Variants in DPY19L3 observed in about 807,000 individuals in gnomAD.
DPY19L3 encodes protein C-mannosyl-transferase DPY19L3.
Under a neutral mutation model 92.3 loss-of-function variants are expected in DPY19L3, and 51 were observed. The ratio of observed to expected loss-of-function variants is 0.55; its 90% CI spans 0.44 to 0.70. The LOEUF (loss-of-function observed/expected upper bound fraction) is 0.70. Ranked by LOEUF, DPY19L3 falls within the 30% of genes least tolerant of loss-of-function variation. DPY19L3 has a pLI of 0.00. For synonymous variants in DPY19L3, 309 were observed against 315.2 expected, an observed-to-expected ratio of 0.98 and a Z score of 0.21; for missense variants, 706 against 855.9, an observed-to-expected ratio of 0.82 and a Z score of 2.18.
intron 9 of DPY19L3, among the ~76,000 whole-genome samples, chr19:32,453,750 T>A (rs189709623): frequency 7.9e-4 from 120 of 152,284 alleles, no homozygotes; most frequent in Non-Finnish European, 1.3e-3. Context: ...GAATTAAAAT[T>A]AACTGTTTTG....
chr19:32,463,899 T>C lies in DPY19L3; in HGVS notation c.1476T>C (p.Cys492=), dbSNP rs1458500746. The change falls in exon 14 of 19, where the codon TGT becomes TGC. Residue 492 remains cysteine, a synonymous_variant. Transcript: ENST00000392250. The part of the protein sequence containing the change: ...RMKYLWTSHM[C]VFASFGLCSP... Reference sequence around the variant, plus strand: ...AGTACCTCTGGACGTCACACATGTGTGTGTTCGCATCATTCGGCCTATGTA... The same window carrying C: ...AGTACCTCTGGACGTCACACATGTGCGTGTTCGCATCATTCGGCCTATGTA... 1 of 1,613,714 alleles carries C rather than the reference T, an allele frequency of 6.2e-7. No homozygotes were observed. Among genetic ancestry groups the C allele is most frequent in the South Asian group, 1.1e-5 (1 of 91,044 alleles).
At chr19:32,439,984 T>A in intron 8 of DPY19L3, 74 bp downstream of exon 8, 1 of 1,561,626 alleles carries the variant, frequency 6.4e-7, no homozygotes, top group Non-Finnish European at 8.7e-7. Flanking sequence ...GAGATGAAAA[T>A]ATGCAAGTAC....
chr19:32,449,557 A>G (rs1969629919), intron 8 of DPY19L3, among the ~76,000 whole-genome samples: 2 of 152,210 alleles, frequency 1.3e-5, no homozygotes, highest in African/African-American at 2.4e-5. Flanking sequence ...ACAGTGTGAT[A>G]CTAGCAGAAG....
chr19:32,422,999 A>G (rs774144750), intron 3 of DPY19L3, among the ~76,000 whole-genome samples: 1 of 152,204 alleles, frequency 6.6e-6, no homozygotes, highest in Non-Finnish European at 1.5e-5. Context: ...GCATATAAAG[A>G]TGGCATACAA....
intron 18 of DPY19L3, chr19:32,480,982 C>G (rs925566577): frequency 2.5e-6 from 1 of 403,148 alleles, no homozygotes; most frequent in Middle Eastern, 6.3e-4. Flanking sequence ...GGTGGATTCC[C>G]CCTACCCCTC....
In DPY19L3 at chr19:32,453,553, T is replaced by G. The variant is rs376358848; in HGVS notation, c.987+277T>G. Among the ~76,000 whole-genome samples, 90 of 152,308 alleles carry G rather than the reference T, an allele frequency of 5.9e-4. 1 individual carries two copies. In the South Asian group the frequency reaches 0.018, roughly 31 times the overall value. On this transcript the variant is annotated intron_variant, in intron 9 of 18. Transcript: ENST00000392250. ...AGATGCTTGGTTGAATGCCACTGAT[T>G]TAAAATTGAAGTAAAAGAGAAAAGT...
At chr19:32,457,586 A>G (rs1297088201) in intron 10 of DPY19L3, among the ~76,000 whole-genome samples, 3 of 152,224 alleles carry the variant, frequency 2.0e-5, no homozygotes, top group Non-Finnish European at 2.9e-5. Context: ...AATTGTAATC[A>G]CTAATGATGA....
At chr19:32,481,766 T>A (rs1458735817) in intron 18 of DPY19L3, 1 of 223,602 alleles carries the variant, frequency 4.5e-6, no homozygotes, top group African/African-American at 2.3e-5. Flanking sequence ...TCACTGTAGT[T>A]CTCTGTATTT....
chr19:32,439,982 A>G, intron 8 of DPY19L3, 72 bp downstream of exon 8: 1 of 1,566,296 alleles, frequency 6.4e-7, no homozygotes, highest in Non-Finnish European at 8.6e-7. Flanking sequence ...ATGAGATGAA[A>G]ATATGCAAGT....
At chr19:32,467,203 C>T (rs1223767262) in intron 15 of DPY19L3, among the ~76,000 whole-genome samples, 1 of 152,182 alleles carries the variant, frequency 6.6e-6, no homozygotes. Flanking sequence ...GTTAATTCAG[C>T]ACTTTCATAT....
At chr19:32,462,847 A>G (rs1422451219) in intron 12 of DPY19L3, among the ~76,000 whole-genome samples, 1 of 152,164 alleles carries the variant, frequency 6.6e-6, no homozygotes, top group Non-Finnish European at 1.5e-5. Context: ...TGTTACTTTT[A>G]TTGGGTGTAA....
At chr19:32,475,410 A>G (rs1970476895) in intron 16 of DPY19L3, among the ~76,000 whole-genome samples, 1 of 152,220 alleles carries the variant, frequency 6.6e-6, no homozygotes, top group African/African-American at 2.4e-5. Flanking sequence ...TTCTCTCTGC[A>G]TCCTAAATCT....
At chr19:32,481,064 C>T (rs1276151403) in intron 18 of DPY19L3, 6 of 313,538 alleles carry the variant, frequency 1.9e-5, no homozygotes, top group Non-Finnish European at 2.3e-5. Context: ...GGCTAAGTTG[C>T]ACTCCAGAGC....
At chr19:32,413,640 C>T (rs1968274296) in intron 3 of DPY19L3, among the ~76,000 whole-genome samples, 1 of 149,870 alleles carries the variant, frequency 6.7e-6, no homozygotes, top group African/African-American at 2.5e-5. Context: ...TGATGTTCCC[C>T]TCAAAGAAGA....
intron 8 of DPY19L3, among the ~76,000 whole-genome samples, chr19:32,440,222 C>T (rs1969280482): frequency 6.6e-6 from 1 of 152,190 alleles, no homozygotes; most frequent in Non-Finnish European, 1.5e-5. Flanking sequence ...AAATGTCTTA[C>T]TGTGTACTGC....
chr19:32,432,739 C>G lies in DPY19L3; in HGVS notation c.261C>G (p.Phe87Leu). ...AGGAAGTGGAGCGAGAAATCTCATT[C>G]AGAACAGAGTGTGGCCTGTATTACT... ...NIKEVEREIS[F>L]RTECGLYYSY... The change falls in exon 4 of 19, where the codon TTC becomes TTG. Residue 87 changes from phenylalanine (F) to leucine (L), a missense_variant. Phe to Leu is a conservative substitution (Grantham distance 22). Transcript: ENST00000392250. 1 of 1,613,872 alleles carries G rather than the reference C, an allele frequency of 6.2e-7. No individual in the cohort carries two copies. Among genetic ancestry groups the G allele is most frequent in the Non-Finnish European group, 8.5e-7 (1 of 1,179,898 alleles).
chr19:32,479,240 T>C (rs529880494), intron 17 of DPY19L3, among the ~76,000 whole-genome samples: 2 of 152,110 alleles, frequency 1.3e-5, no homozygotes, highest in African/African-American at 4.8e-5. Flanking sequence ...GGCTGAAGTG[T>C]TCCAGATAGT....
intron 2 of DPY19L3, among the ~76,000 whole-genome samples, chr19:32,410,515 A>C (rs1189204239): frequency 5.3e-5 from 8 of 152,170 alleles, no homozygotes; most frequent in Non-Finnish European, 1.2e-4. Flanking sequence ...GCAGTGGCTC[A>C]TGCCCGTAAT....
intron 8 of DPY19L3, among the ~76,000 whole-genome samples, chr19:32,440,632 C>T (rs534450590): frequency 1.3e-5 from 2 of 152,160 alleles, no homozygotes; most frequent in East Asian, 3.9e-4. Context: ...AATTAAGAAA[C>T]ATAAAAGTCT....
Sources: gnomAD v4.1 joint callset for allele counts (sites outside exome capture counted in the v4.1 genomes callset) on GRCh38, gnomAD v4.1.1 for gene constraint, MANE v1.5 for transcripts, NCBI Gene and HGNC (gene_info 2026-07-23, HGNC 2026-07-21) for gene names.